The following MCF2L variants were observed in gnomAD, a reference collection of about 807,000 sequenced individuals.
MCF2L encodes the protein MCF.2 cell line derived transforming sequence like, also known as guanine nucleotide exchange factor DBS.
In MCF2L, 97 loss-of-function variants were observed where a neutral mutation model predicts 153.4. That is an observed-to-expected ratio of 0.63 (90% CI 0.54 to 0.75). The LOEUF (loss-of-function observed/expected upper bound fraction) is 0.75. MCF2L is among the 30% of genes least tolerant of loss of function. MCF2L has a pLI of 0.00. For synonymous variants in MCF2L, 659 were observed against 632.2 expected (o/e 1.04, Z -0.64); for missense variants, 1,347 against 1,495.2 (o/e 0.90, Z 1.64).
Position 113,024,762 on chromosome 13 carries a change from C to A in MCF2L, c.278+4C>A, listed in dbSNP as rs758340951. ...CCTACCTCACCAGCATCCCCAGGTACGTGCACCCAGAGCCCGGCAGACATT... is the reference window on the plus strand; with the variant it reads ...CCTACCTCACCAGCATCCCCAGGTAAGTGCACCCAGAGCCCGGCAGACATT... On this transcript the variant is annotated splice_donor_region_variant and intron_variant, in intron 3 of 29. Transcript: ENST00000535094. The A allele has an allele frequency of 6.2e-7, 1 of 1,607,900 alleles. No homozygotes were observed. Among genetic ancestry groups the A allele is most frequent in the East Asian group, 2.2e-5 (1 of 44,838 alleles).
At chr13:112,931,896 G>A (rs547236255) in intron 2 of MCF2L, among the ~76,000 whole-genome samples, 4 of 152,288 alleles carry the variant, frequency 2.6e-5, no homozygotes, top group South Asian at 4.1e-4. Context: ...AAGTCAAGTC[G>A]CGTTGTATTA....
intron 14 of MCF2L, 59 bp downstream of exon 14, chr13:113,078,495 C>A: frequency 6.6e-7 from 1 of 1,506,056 alleles, no homozygotes. Flanking sequence ...TCACGCTGGG[C>A]CTGGTTCTCC....
intron 1 of MCF2L, chr13:113,002,135 A>G (rs146608087): frequency 0.013 from 12,247 of 937,532 alleles, 126 homozygotes; most frequent in South Asian, 0.018. Flanking sequence ...CCGGGGATGG[A>G]TGTTGGGGTG....
chr13:113,017,331 C>T (rs1176940476), intron 2 of MCF2L, among the ~76,000 whole-genome samples: 1 of 152,164 alleles, frequency 6.6e-6, no homozygotes, highest in African/African-American at 2.4e-5. Flanking sequence ...GCTTTGGGGA[C>T]GCAGGTGTTC....
chr13:113,022,389 C>G (rs1242202962), intron 2 of MCF2L, among the ~76,000 whole-genome samples: 1 of 151,170 alleles, frequency 6.6e-6, no homozygotes, highest in South Asian at 2.1e-4. Flanking sequence ...CCACCCACCC[C>G]CGCCGGCCAG....
chr13:113,086,375 T>A, intron 21 of MCF2L, 126 bp downstream of exon 21: 1 of 1,406,308 alleles, frequency 7.1e-7, no homozygotes, highest in Non-Finnish European at 9.5e-7. Context: ...GCAGGAGGTC[T>A]GGGGTGGTCC....
rs774902502 is a variant in MCF2L, at chr13:113,082,527, A to G, written c.1976A>G (p.Tyr659Cys). The change falls in exon 17 of 30, where the codon TAT becomes TGT. Residue 659 changes from tyrosine to cysteine, a missense_variant. By Grantham distance (194) the Tyr-to-Cys change is radical (BLOSUM62 -2). Around this residue, in one of 3 missense-constraint regions of MCF2L, gnomAD observed 820 missense variants for 921.2 expected, o/e 0.89. Transcript: ENST00000535094. ...TTGTTTGGAAACATGGAGGAAATCTATCACTTCCACAACAGGTGGGCCCTT... is the reference window on the plus strand; with the variant it reads ...TTGTTTGGAAACATGGAGGAAATCTGTCACTTCCACAACAGGTGGGCCCTT... ...DVLFGNMEEI[Y>C]HFHNRIFLRE... 7.4e-6 allele frequency: 12 copies of G among 1,612,344 alleles called. No individual in the cohort carries two copies. In the East Asian group the frequency reaches 8.9e-5, roughly 12 times the overall value.
chr13:112,898,018 G>C (rs2081084266), intron 1 of MCF2L, among the ~76,000 whole-genome samples: 3 of 152,204 alleles, frequency 2.0e-5, no homozygotes. Context: ...TCATGGCTTT[G>C]CAGCCTTCAC....
At chr13:113,025,850 G>A (rs1336898550) in intron 3 of MCF2L, among the ~76,000 whole-genome samples, 1 of 119,668 alleles carries the variant, frequency 8.4e-6, no homozygotes, top group Non-Finnish European at 1.8e-5. Context: ...GTTTCATCAT[G>A]GTGGGGTCCC....
At chr13:112,990,792 A>G (rs563601628) in intron 1 of MCF2L, among the ~76,000 whole-genome samples, 3 of 152,336 alleles carry the variant, frequency 2.0e-5, no homozygotes, top group African/African-American at 7.2e-5. Flanking sequence ...GCCAGGCCCA[A>G]TGCTGCAGGG....
At chr13:112,991,844 G>T (rs758896440) in intron 1 of MCF2L, among the ~76,000 whole-genome samples, 77 of 152,170 alleles carry the variant, frequency 5.1e-4, no homozygotes, top group Non-Finnish European at 1.8e-4. Context: ...AACCACAGCC[G>T]ACTCCACAGG....
intron 1 of MCF2L, among the ~76,000 whole-genome samples, chr13:112,990,628 C>T (rs1011432062): frequency 2.6e-5 from 4 of 152,136 alleles, no homozygotes; most frequent in Non-Finnish European, 4.4e-5. Flanking sequence ...TGTACAGGCA[C>T]GAATTTTCAG....
At position 112,904,265 on chromosome 13, in the gene MCF2L, G is replaced by A. The variant is rs1326820391; in HGVS notation, c.169+1894G>A. Among the ~76,000 whole-genome samples the A allele has an allele frequency of 6.6e-6, 1 of 152,128 alleles. No homozygotes were observed. Among genetic ancestry groups the A allele is most frequent in the African/African-American group, 2.4e-5 (1 of 41,416 alleles). Reference sequence around the variant, plus strand: ...TAGGGAACCCTCACAACTGAACCAAGTGCTCCTATTATTTCTCAACGTACC... The same window carrying A: ...TAGGGAACCCTCACAACTGAACCAAATGCTCCTATTATTTCTCAACGTACC... On this transcript the variant is annotated intron_variant, in intron 2 of 29. Transcript: ENST00000375608. This position sits in a 1 kb window ranked among gnomAD's most constrained non-coding sequence, Gnocchi z 4.2.
At chr13:113,034,732 C>T (rs2086038321) in intron 3 of MCF2L, among the ~76,000 whole-genome samples, 1 of 152,208 alleles carries the variant, frequency 6.6e-6, no homozygotes, top group South Asian at 2.1e-4. Flanking sequence ...GTCTCACCGG[C>T]ATGAGCAGAA....
chr13:112,959,529 ACTC>A (rs913931371), intron 2 of MCF2L, among the ~76,000 whole-genome samples: 1 of 151,558 alleles, frequency 6.6e-6, no homozygotes, highest in Non-Finnish European at 1.5e-5. Flanking sequence ...TGGGGGGAGA[ACTC>A]CTGGCAGCAT....
intron 4 of MCF2L, among the ~76,000 whole-genome samples, chr13:113,051,909 G>A (rs941683163): frequency 9.9e-5 from 15 of 151,932 alleles, no homozygotes; most frequent in Non-Finnish European, 1.9e-4. Context: ...GTGAATGGAT[G>A]AATCCATTCA....
Position 113,077,167 on chromosome 13 carries a change from C to T in MCF2L, c.1616C>T (p.Ala539Val). The T allele has an allele frequency of 6.2e-7, 1 of 1,608,354 alleles. No individual in the cohort carries two copies. The highest frequency in any genetic ancestry group is 8.5e-7 in the Non-Finnish European group (1 of 1,177,538). ...CAGACGCGGCCCGTGCAGCCGGTGG[C>T]CCCCAGACCCGAGGCACTGGCAAAG... ...ARQTRPVQPV[A>V]PRPEALAKSP... Residue 539 changes from alanine (A) to valine (V), a missense_variant, in exon 13 of 30, where the codon GCC (alanine) becomes GTC (valine). Ala to Val is a moderately conservative substitution (Grantham distance 64). This residue lies in a region of MCF2L where 820 missense variants were observed against 921.2 expected (regional missense o/e 0.89). Transcript: ENST00000535094.
In MCF2L at chr13:113,081,225, C is replaced by G; in HGVS notation, c.1821C>G (p.Ser607Arg). The change falls in exon 16 of 30, where the codon AGC (serine) becomes AGG (arginine). Residue 607 changes from serine to arginine, a missense_variant. Around this residue, in one of 3 missense-constraint regions of MCF2L, gnomAD observed 820 missense variants for 921.2 expected, o/e 0.89. Coordinates refer to ENST00000535094, the MANE Select transcript of MCF2L (RefSeq NM_001112732.3). ...GACCTGCCACCAGGCACGTGATGAG[C>G]GAGCTCCTGGACACAGAACGGGCCT... ...SLAILRRHVM[S>R]ELLDTERAYV... The G allele has an allele frequency of 6.3e-7, 1 of 1,587,860 alleles. No individual in the cohort carries two copies. Among genetic ancestry groups the G allele is most frequent in the South Asian group, 1.2e-5 (1 of 86,380 alleles).
intron 15 of MCF2L, among the ~76,000 whole-genome samples, 162 bp from the exon 16 acceptor site, chr13:113,081,051 G>A (rs1447091504): frequency 6.6e-6 from 1 of 152,244 alleles, no homozygotes; most frequent in Non-Finnish European, 1.5e-5. Context: ...CGAGCTGGGA[G>A]GGGAACCCCG....
Sources: allele counts gnomAD v4.1 joint callset (sites outside exome capture counted in the v4.1 genomes callset), GRCh38; gene constraint gnomAD v4.1.1; regional missense constraint gnomAD v4.1.1; non-coding constraint Gnocchi (gnomAD v3.1); transcripts MANE v1.5; gene names NCBI Gene and HGNC (gene_info 2026-07-23, HGNC 2026-07-21).